Variants in LAMP1 observed in about 807,000 individuals in gnomAD.
LAMP1 encodes lysosome-associated membrane glycoprotein 1.
LAMP1 carries 7 observed loss-of-function variants against 37.5 expected under a neutral mutation model. The ratio of observed to expected loss-of-function variants is 0.19; its 90% CI spans 0.11 to 0.35. The LOEUF (loss-of-function observed/expected upper bound fraction) is 0.35, where lower values mean the gene tolerates loss of function less well. Ranked by LOEUF, LAMP1 falls within the 10% of genes least tolerant of loss-of-function variation. The probability of loss-of-function intolerance (pLI) is 1.00; values close to 1 mark genes in which losing one functional copy is unlikely to be tolerated. For missense variants in LAMP1, 537 were observed against 552.8 expected (o/e 0.97, Z 0.29); for synonymous variants, 236 against 229.1 (o/e 1.03, Z -0.27).
intron 4 of LAMP1, 102 bp downstream of exon 4, chr13:113,310,969 C>A: frequency 1.0e-6 from 1 of 985,242 alleles, no homozygotes; most frequent in Non-Finnish European, 1.5e-6. Flanking sequence ...CTGGGCTCTG[C>A]CTGGAACGCG....
At chr13:113,313,471 C>G (rs1317089455) in intron 4 of LAMP1, among the ~76,000 whole-genome samples, 1 of 152,214 alleles carries the variant, frequency 6.6e-6, no homozygotes, top group Non-Finnish European at 1.5e-5. Context: ...GAAAAAGGCC[C>G]GACAGCCCAG....
Position 113,297,687 on chromosome 13 carries a change from C to T in LAMP1, c.61+192C>T, listed in dbSNP as rs369740015. On this transcript the variant is annotated intron_variant, in intron 1 of 8. Transcript: ENST00000332556. The surrounding 1 kb of genome is among the most constrained non-coding windows in gnomAD (Gnocchi z 4.4). ...GTAGGGTCGGAGCGGAGCTCAATGG[C>T]AGGTGCTTGGGGGACCAGGAGGTCT... Among the ~76,000 whole-genome samples the T allele has an allele frequency of 2.0e-3, 299 of 152,332 alleles. 6 individuals carry two copies. The highest frequency in any genetic ancestry group is 0.019 in the South Asian group (90 of 4,820).
rs567770702 is a variant in LAMP1, at chr13:113,313,156, A to G, written c.562+2289A>G. Among the ~76,000 whole-genome samples the G allele has an allele frequency of 1.6e-4, 24 of 152,016 alleles. 1 individual carries two copies. The highest frequency in any genetic ancestry group is 3.4e-3 in the Middle Eastern group (1 of 294). On this transcript the variant is annotated intron_variant, in intron 4 of 8. Transcript: ENST00000332556. ...AGGGGTGCGCATGGCATGACCGCTCACTCACTCCTGCCTGGAAGTGAAGGG... is the reference window on the plus strand; with the variant it reads ...AGGGGTGCGCATGGCATGACCGCTCGCTCACTCCTGCCTGGAAGTGAAGGG...
rs1290283812 is a variant in LAMP1 at position 113,297,562 on chromosome 13, G to A, written c.61+67G>A. ...CGGAGCCGAGGTCCCTGGGTCTTGA[G>A]GGCGGGGGACTGCCGGGTCGTTGTC... On this transcript the variant is annotated intron_variant, in intron 1 of 8. Transcript: ENST00000332556. This position sits in a 1 kb window ranked among gnomAD's most constrained non-coding sequence, Gnocchi z 4.4. 2.5e-6 allele frequency: 3 copies of A among 1,200,738 alleles called. No homozygotes were observed. Among genetic ancestry groups the A allele is most frequent in the African/African-American group, 1.6e-5 (1 of 63,262 alleles). The allele number at this position is 1,200,738 out of a possible 1,614,324, so 74.4% of individuals were successfully genotyped here.
rs2139351602 is a variant in LAMP1, at chr13:113,297,524, C to G, written c.61+29C>G. The G allele has an allele frequency of 1.6e-6, 2 of 1,230,812 alleles. No homozygotes were observed. Among genetic ancestry groups the G allele is most frequent in the African/African-American group, 1.6e-5 (1 of 64,164 alleles). 76.2% of individuals were successfully genotyped at this position (1,230,812 alleles called of 1,614,324 possible). On this transcript the variant is annotated intron_variant, in intron 1 of 8. Transcript: ENST00000332556. The surrounding 1 kb of genome is among the most constrained non-coding windows in gnomAD (Gnocchi z 4.4). ...AGGGGGTCGAGGCGGGGCCTGGGAG[C>G]GGCGGGACCGGGCGGAGCCGAGGTC...
intron 2 of LAMP1, among the ~76,000 whole-genome samples, chr13:113,307,315 G>A (rs1158401270): frequency 6.6e-6 from 1 of 151,522 alleles, no homozygotes; most frequent in South Asian, 2.1e-4. Context: ...CCACCACCAC[G>A]CCTGGCTGAT....
intron 4 of LAMP1, among the ~76,000 whole-genome samples, chr13:113,319,252 C>T (rs569898299): frequency 7.7e-4 from 117 of 152,332 alleles, no homozygotes; most frequent in African/African-American, 2.7e-3. Context: ...GGGTGCCCCA[C>T]GGGCCTGTGC....
At chr13:113,313,949 T>C (rs1167809447) in intron 4 of LAMP1, among the ~76,000 whole-genome samples, 6 of 95,062 alleles carry the variant, frequency 6.3e-5, no homozygotes, top group South Asian at 7.9e-4. Context: ...GGAGTCAGTG[T>C]GGAGATGCCC....
rs2042554332 is a variant in LAMP1, at chr13:113,298,487, G to A, written c.61+992G>A. ...GAAAGGTGATGTAGAATCAAGCTGG[G>A]GGAGTGTGTGTGAGTTAAGTAGATA... On this transcript the variant is annotated intron_variant, in intron 1 of 8. Transcript: ENST00000332556. 2.7e-5 allele frequency among the ~76,000 whole-genome samples: 4 copies of A among 149,920 alleles called. No homozygotes were observed. The South Asian group carries it at 6.2e-4, about 23-fold the overall frequency.
chr13:113,299,074 A>T (rs1476458629), intron 1 of LAMP1, among the ~76,000 whole-genome samples: 2 of 152,088 alleles, frequency 1.3e-5, no homozygotes, highest in South Asian at 4.1e-4. Flanking sequence ...CGGGAAGCAG[A>T]GGTTGCAGTG....
chr13:113,315,642 T>C (rs1235263398), intron 4 of LAMP1, among the ~76,000 whole-genome samples: 1 of 151,480 alleles, frequency 6.6e-6, no homozygotes, highest in Non-Finnish European at 1.5e-5. Flanking sequence ...GCTGGGATTA[T>C]AGGTGTGAGC....
At chr13:113,310,485 C>T (rs928677552) in intron 3 of LAMP1, among the ~76,000 whole-genome samples, 1 of 152,132 alleles carries the variant, frequency 6.6e-6, no homozygotes, top group African/African-American at 2.4e-5. Flanking sequence ...GAGATCACGC[C>T]ACTGTGCTCC....
chr13:113,315,068 T>C (rs1422932825), intron 4 of LAMP1, among the ~76,000 whole-genome samples: 61 of 86,682 alleles, frequency 7.0e-4, no homozygotes, highest in Admixed American at 1.2e-3. Flanking sequence ...TGTCGGTGTG[T>C]CTGGGGTGTG....
Position 113,321,052 on chromosome 13 carries a change from A to G in LAMP1, c.877-352A>G. The G allele has an allele frequency of 6.2e-6, 2 of 322,248 alleles. No individual in the cohort carries two copies. Among genetic ancestry groups the G allele is most frequent in the Non-Finnish European group, 1.2e-5 (2 of 168,466 alleles). The allele number at this position is 322,248 out of a possible 1,614,324, so 20.0% of individuals were successfully genotyped here. On this transcript the variant is annotated intron_variant, in intron 6 of 8. Transcript: ENST00000332556. This position sits in a 1 kb window ranked among gnomAD's most constrained non-coding sequence, Gnocchi z 5.6. Reference sequence around the variant, plus strand: ...ACGAGTTAGCTGGGCGTAGTGGCGCACACCTGTGGTCCCAGCTACTTGGGA... The same window carrying G: ...ACGAGTTAGCTGGGCGTAGTGGCGCGCACCTGTGGTCCCAGCTACTTGGGA...
chr13:113,306,292 G>A lies in LAMP1; in HGVS notation c.62-193G>A, dbSNP rs567060623. 4 of 441,982 alleles carry A rather than the reference G, an allele frequency of 9.1e-6. No individual in the cohort carries two copies. The Admixed American group carries it at 1.2e-4, about 14-fold the overall frequency. The allele number at this position is 441,982 out of a possible 1,614,324, so 27.4% of individuals were successfully genotyped here. ...GAATTGCTTGAACCTGGGAGGTGGA[G>A]GTTGCAGTGAGCTGAGATCACGCCA... On this transcript the variant is annotated intron_variant, in intron 1 of 8. Coordinates refer to ENST00000332556, the MANE Select transcript of LAMP1 (RefSeq NM_005561.4).
Position 113,310,727 on chromosome 13 carries a change from C to G in LAMP1, c.422C>G (p.Ser141Cys). 1 of 1,600,920 alleles carries G rather than the reference C, an allele frequency of 6.2e-7. No homozygotes were observed. The highest frequency in any genetic ancestry group is 8.5e-7 in the Non-Finnish European group (1 of 1,174,094). ...AATCTAGAAATCAAGACTGTGGAAT[C>G]TATAACTGACATCAGGGCAGATATA... Reference protein sequence around the residue: ...ASSKEIKTVESITDIRADIDK... With the variant: ...ASSKEIKTVECITDIRADIDK... The change falls in exon 4 of 9, where the codon TCT becomes TGT. Residue 141 changes from serine to cysteine, a missense_variant. Physicochemically the swap from Ser to Cys is moderately radical, Grantham distance 112 (BLOSUM62 -1). Transcript: ENST00000332556.
At chr13:113,319,299 C>T (rs553808396) in intron 4 of LAMP1, among the ~76,000 whole-genome samples, 170 bp from the exon 5 acceptor site, 70 of 152,372 alleles carry the variant, frequency 4.6e-4, no homozygotes, top group Non-Finnish European at 4.0e-4. Context: ...CCAGCTCTTT[C>T]CTGCGCGTCT....
intron 4 of LAMP1, among the ~76,000 whole-genome samples, chr13:113,316,877 A>G (rs2042668348): frequency 2.0e-5 from 3 of 151,826 alleles, no homozygotes; most frequent in Admixed American, 2.0e-4. Flanking sequence ...CTGTCTCAAA[A>G]AAAAAAAAAA....
At chr13:113,299,506 G>A (rs552967910) in intron 1 of LAMP1, among the ~76,000 whole-genome samples, 3 of 150,942 alleles carry the variant, frequency 2.0e-5, no homozygotes, top group East Asian at 2.0e-4. Flanking sequence ...CTCGTGATCC[G>A]CCTCCCTCTG....
Sources: gnomAD v4.1 joint callset for allele counts (sites outside exome capture counted in the v4.1 genomes callset) on GRCh38, gnomAD v4.1.1 for gene constraint, Gnocchi (gnomAD v3.1) non-coding constraint, MANE v1.5 for transcripts, NCBI Gene and HGNC (gene_info 2026-07-23, HGNC 2026-07-21) for gene names.